The following CACNG6 variants were observed in gnomAD, a reference collection of about 807,000 sequenced individuals.
The protein encoded by CACNG6 is calcium voltage-gated channel auxiliary subunit gamma 6.
In CACNG6, 21 loss-of-function variants were observed where a neutral mutation model predicts 23.9. That is an observed-to-expected ratio of 0.88 (90% CI 0.62 to 1.26). The LOEUF (loss-of-function observed/expected upper bound fraction) is 1.26, where lower values mean the gene tolerates loss of function less well. Among genes scored for constraint, CACNG6 ranks in the 50% most tolerant of loss-of-function variants. The pLI is 0.00. For missense variants in CACNG6, 340 were observed against 352.9 expected (o/e 0.96, Z 0.29); for synonymous variants, 182 against 168.9 (o/e 1.08, Z -0.60).
At position 54,002,267 on chromosome 19, in the gene CACNG6, G is replaced by GTTTTTTTTTT. The variant is rs138464456; in HGVS notation, c.544+2503_544+2504insTTTTTTTTTT. On this transcript the variant is annotated intron_variant, in intron 3 of 3. Coordinates refer to ENST00000252729, the MANE Select transcript of CACNG6 (RefSeq NM_145814.2). The stretch of plus-strand genomic sequence containing the variant: ...TGCCGCCAAGCCCGGCTAATTTTCG[G>GTTTTTTTTTT]TTTTTTTGTTTTTTTTGTTTTTTTT... 2.4e-4 allele frequency among the ~76,000 whole-genome samples: 32 copies of GTTTTTTTTTT among 131,936 alleles called. 4 individuals carry two copies. The highest frequency in any genetic ancestry group is 1.0e-3 in the African/African-American group (30 of 30,066). 86.6% of individuals were successfully genotyped at this position (131,936 alleles called of 152,430 possible). A position where few individuals can be genotyped will look rare whatever the true frequency, so the allele number is the denominator to read the frequency against.
At chr19:53,996,612 C>T (rs1247295636) in intron 1 of CACNG6, among the ~76,000 whole-genome samples, 11 of 152,036 alleles carry the variant, frequency 7.2e-5, no homozygotes, top group Non-Finnish European at 1.6e-4. Context: ...AGGCTGGTCT[C>T]GAACTCCTGA....
intron 3 of CACNG6, among the ~76,000 whole-genome samples, chr19:54,011,521 C>T (rs978472572): frequency 2.0e-5 from 3 of 151,352 alleles, no homozygotes; most frequent in Non-Finnish European, 4.4e-5. Context: ...CACCAGAACG[C>T]GTTTCTCCCG....
intron 1 of CACNG6, among the ~76,000 whole-genome samples, chr19:53,994,512 A>C (rs370756451): frequency 6.6e-6 from 1 of 151,734 alleles, no homozygotes; most frequent in African/African-American, 2.4e-5. Flanking sequence ...ACTGGATGAA[A>C]TCTCCTTCTA....
intron 1 of CACNG6, 27 bp from the exon 2 acceptor site, chr19:53,998,212 T>A: frequency 6.2e-7 from 1 of 1,605,642 alleles, no homozygotes; most frequent in Non-Finnish European, 8.5e-7. Context: ...CATCCTCATG[T>A]CTGTTTTCTC....
chr19:54,006,840 TTTTTTA>T (rs1044883692), intron 3 of CACNG6, among the ~76,000 whole-genome samples: 2 of 64,942 alleles, frequency 3.1e-5, no homozygotes, highest in African/African-American at 1.7e-4. Flanking sequence ...CGGCCTTCTT[TTTTTTA>T]TTTTGTTATT....
intron 3 of CACNG6, among the ~76,000 whole-genome samples, chr19:54,005,247 A>AAAT (rs869245007): frequency 1.3e-4 from 16 of 120,322 alleles, no homozygotes; most frequent in Non-Finnish European, 1.7e-4. Context: ...ATAAATAAAT[A>AAAT]AATAATAATA....
upstream of CACNG6, among the ~76,000 whole-genome samples, chr19:53,991,628 G>A (rs975376234): frequency 2.0e-5 from 3 of 151,576 alleles, no homozygotes; most frequent in African/African-American, 7.3e-5. Context: ...CCGGGCGCGG[G>A]CGGAGGCCAG....
intron 1 of CACNG6, among the ~76,000 whole-genome samples, chr19:53,993,663 C>G (rs2069491511): frequency 6.7e-6 from 1 of 149,926 alleles, no homozygotes; most frequent in African/African-American, 2.5e-5. Flanking sequence ...CTATCCTGTA[C>G]CCCCAGATGA....
intron 2 of CACNG6, among the ~76,000 whole-genome samples, 181 bp downstream of exon 2, chr19:53,998,494 A>G (rs1204850460): frequency 4.8e-5 from 7 of 144,588 alleles, no homozygotes; most frequent in Non-Finnish European, 9.0e-5. Context: ...ATGGTGCTCT[A>G]GAGAATCTAG....
At position 53,993,115 on chromosome 19, in the gene CACNG6, C is replaced by T. The variant is rs372908944; in HGVS notation, c.238C>T (p.His80Tyr). Residue 80 changes from histidine to tyrosine, a missense_variant, in exon 1 of 4, where the codon CAC becomes TAC. Physicochemically the swap from His to Tyr is moderately conservative, Grantham distance 83. Transcript: ENST00000252729. Reference sequence around the variant, plus strand: ...CGGCAGCGCCGTGTGCGAAGCGGCCCACCTGGGGCTGTGGAAGGCGTGCAC... The same window carrying T: ...CGGCAGCGCCGTGTGCGAAGCGGCCTACCTGGGGCTGTGGAAGGCGTGCAC... The part of the protein sequence containing the change: ...ANGSAVCEAA[H>Y]LGLWKACTKR... 7.1e-6 allele frequency: 11 copies of T among 1,547,194 alleles called. No individual in the cohort carries two copies. The highest frequency in any genetic ancestry group is 9.6e-6 in the Non-Finnish European group (11 of 1,145,576).
intron 3 of CACNG6, among the ~76,000 whole-genome samples, chr19:54,003,129 A>G (rs1452314695): frequency 1.3e-5 from 2 of 152,186 alleles, no homozygotes; most frequent in African/African-American, 4.8e-5. Context: ...TGGTTAGTGA[A>G]GGCGTCCCTT....
At chr19:54,001,730 T>C (rs1413367116) in intron 3 of CACNG6, among the ~76,000 whole-genome samples, 1 of 152,156 alleles carries the variant, frequency 6.6e-6, no homozygotes, top group Non-Finnish European at 1.5e-5. Flanking sequence ...TTTGCTGCAT[T>C]GCAGATCTTG....
chr19:53,993,277 G>T (rs1199539967), intron 1 of CACNG6, 69 bp downstream of exon 1: 1 of 1,444,446 alleles, frequency 6.9e-7, no homozygotes, highest in Non-Finnish European at 9.1e-7. Flanking sequence ...GCCCGTGTCC[G>T]AGGAGAAAAC....
chr19:54,007,430 T>A (rs957134967), intron 3 of CACNG6, among the ~76,000 whole-genome samples: 5 of 152,244 alleles, frequency 3.3e-5, no homozygotes, highest in South Asian at 2.1e-4. Flanking sequence ...ATCAACTTTT[T>A]TGTGGAGGAC....
chr19:53,997,879 T>G (rs923657465), intron 1 of CACNG6, among the ~76,000 whole-genome samples: 1 of 152,212 alleles, frequency 6.6e-6, no homozygotes, highest in Non-Finnish European at 1.5e-5. Context: ...TGGTATCCTT[T>G]GTTGAATCAA....
At chr19:54,002,315 G>A (rs939389329) in intron 3 of CACNG6, among the ~76,000 whole-genome samples, 1 of 124,246 alleles carries the variant, frequency 8.0e-6, no homozygotes, top group Admixed American at 9.6e-5. Flanking sequence ...ATAGGGTTTC[G>A]CTGTGTTGCC....
chr19:54,011,003 C>A (rs1360280627), intron 3 of CACNG6, among the ~76,000 whole-genome samples: 1 of 151,488 alleles, frequency 6.6e-6, no homozygotes, highest in African/African-American at 2.4e-5. Flanking sequence ...TCCACCTCTT[C>A]AAACTTGATC....
chr19:54,004,355 G>T (rs867732175), intron 3 of CACNG6, among the ~76,000 whole-genome samples: 2,744 of 132,760 alleles, frequency 0.021, 199 homozygotes, highest in African/African-American at 0.092. Context: ...GTGTGTGTGT[G>T]TGTGTGTGTG....
In CACNG6 at chr19:53,992,904, A is replaced by C. The variant is rs759591468; in HGVS notation, c.27A>C (p.Gln9His). 4.3e-6 allele frequency: 6 copies of C among 1,406,320 alleles called. No homozygotes were observed. Among genetic ancestry groups the C allele is most frequent in the Non-Finnish European group, 5.5e-6 (6 of 1,082,518 alleles). 87.1% of individuals were successfully genotyped at this position (1,406,320 alleles called of 1,614,324 possible). A position where few individuals can be genotyped will look rare whatever the true frequency, so the allele number is the denominator to read the frequency against. ...TGATGTGGTCCAACTTCTTCCTGCAAGAGGAGAACCGGCGGCGGGGGGCCG... is the reference window on the plus strand; with the variant it reads ...TGATGTGGTCCAACTTCTTCCTGCACGAGGAGAACCGGCGGCGGGGGGCCG... MMWSNFFL[Q>H]EENRRRGAAG... Residue 9 changes from glutamine to histidine, a missense_variant, in exon 1 of 4, where the codon CAA (glutamine) becomes CAC (histidine). Physicochemically the swap from Gln to His is conservative, Grantham distance 24 (BLOSUM62 0). Coordinates refer to ENST00000252729, the MANE Select transcript of CACNG6 (RefSeq NM_145814.2). This position sits in a 1 kb window ranked among gnomAD's most constrained non-coding sequence, Gnocchi z 4.1.
Sources: allele counts gnomAD v4.1 joint callset (sites outside exome capture counted in the v4.1 genomes callset), GRCh38; gene constraint gnomAD v4.1.1; non-coding constraint Gnocchi (gnomAD v3.1); transcripts MANE v1.5; gene names NCBI Gene and HGNC (gene_info 2026-07-23, HGNC 2026-07-21).